The following KIAA1217 variants were observed in gnomAD, a reference collection of about 807,000 sequenced individuals.
KIAA1217 encodes the protein KIAA1217, also known as sickle tail protein homolog.
KIAA1217 carries 88 observed loss-of-function variants against 163.9 expected under a neutral mutation model. The observed-to-expected ratio is 0.54, with a 90% CI of 0.45 to 0.64. The LOEUF is 0.64. Ranked by LOEUF, KIAA1217 falls within the 30% of genes least tolerant of loss-of-function variation. The pLI is 0.00. For synonymous variants in KIAA1217, 903 were observed against 923.1 expected, an observed-to-expected ratio of 0.98 and a Z score of 0.39; for missense variants, 2,372 against 2,475.0, an observed-to-expected ratio of 0.96 and a Z score of 0.88.
At chr10:24,011,038 T>C (rs990175095) in intron 2 of KIAA1217, among the ~76,000 whole-genome samples, 5 of 152,148 alleles carry the variant, frequency 3.3e-5, no homozygotes, top group Non-Finnish European at 7.4e-5. Context: ...CAGTCTGCAG[T>C]TGAGACATGA....
At chr10:24,514,638 G>C (rs1289734148) in intron 10 of KIAA1217, among the ~76,000 whole-genome samples, 3 of 152,082 alleles carry the variant, frequency 2.0e-5, no homozygotes, top group Non-Finnish European at 4.4e-5. Flanking sequence ...AAATGTCTTT[G>C]TGACAGCCCA....
intron 1 of KIAA1217, among the ~76,000 whole-genome samples, chr10:23,781,651 A>G (rs1156726936): frequency 6.6e-6 from 1 of 152,204 alleles, no homozygotes; most frequent in Non-Finnish European, 1.5e-5. Flanking sequence ...TACTGAGGCC[A>G]ACGTTAAGGA....
intron 1 of KIAA1217, among the ~76,000 whole-genome samples, chr10:23,836,186 T>C (rs1276864881): frequency 6.6e-6 from 1 of 152,220 alleles, no homozygotes; most frequent in East Asian, 1.9e-4. Flanking sequence ...TGTTTTTAAA[T>C]GTATATTTTT....
At position 23,911,652 on chromosome 10, in the gene KIAA1217, A is replaced by G. The variant is rs542692414; in HGVS notation, c.-320-95573A>G. 2.0e-5 allele frequency among the ~76,000 whole-genome samples: 3 copies of G among 152,302 alleles called. No individual in the cohort carries two copies. In the South Asian group the frequency reaches 6.2e-4, roughly 32 times the overall value. On this transcript the variant is annotated intron_variant, in intron 1 of 18. Transcript: ENST00000376462. ...TATTTATTATATATGTATTTGGCAA[A>G]ACTGGACTGGCATCACCCAGTGGTT...
At chr10:24,140,575 G>A (rs982935932) in intron 2 of KIAA1217, among the ~76,000 whole-genome samples, 47 of 152,104 alleles carry the variant, frequency 3.1e-4, no homozygotes, top group African/African-American at 1.0e-3. Context: ...ACAAAGGGAT[G>A]ATTCTTGTCC....
At chr10:23,885,544 C>A (rs906070441) in intron 1 of KIAA1217, among the ~76,000 whole-genome samples, 1 of 151,966 alleles carries the variant, frequency 6.6e-6, no homozygotes, top group Non-Finnish European at 1.5e-5. Flanking sequence ...ATGACAAATG[C>A]TCTTCTCTCT....
At chr10:24,036,885 A>G (rs1490019595) in intron 2 of KIAA1217, among the ~76,000 whole-genome samples, 1 of 152,240 alleles carries the variant, frequency 6.6e-6, no homozygotes, top group Non-Finnish European at 1.5e-5. Flanking sequence ...AAACTAAATC[A>G]ACAGGGTAAG....
At chr10:23,765,917 G>A (rs11812317) in intron 1 of KIAA1217, among the ~76,000 whole-genome samples, 5,059 of 152,250 alleles carry the variant, frequency 0.033, 121 homozygotes, top group South Asian at 0.069. Context: ...GCATTAACTT[G>A]CTATACTGCC....
chr10:24,334,967 C>G (rs2046159687), intron 2 of KIAA1217, among the ~76,000 whole-genome samples: 1 of 152,140 alleles, frequency 6.6e-6, no homozygotes, highest in Non-Finnish European at 1.5e-5. Flanking sequence ...GGAATCCACA[C>G]AAAAACTCAT....
intron 2 of KIAA1217, chr10:24,239,338 G>C (rs1319631974): frequency 1.0e-6 from 1 of 979,904 alleles, no homozygotes; most frequent in Non-Finnish European, 1.2e-6. Flanking sequence ...CTGGGTACAG[G>C]TAAATATGCG....
chr10:24,059,844 C>G (rs1326190664), intron 2 of KIAA1217, among the ~76,000 whole-genome samples: 1 of 152,188 alleles, frequency 6.6e-6, no homozygotes, highest in South Asian at 2.1e-4. Context: ...GGATTACAGG[C>G]GTGAGCCACT....
intron 2 of KIAA1217, among the ~76,000 whole-genome samples, chr10:24,315,553 CG>C (rs2043240279): frequency 6.6e-6 from 1 of 152,110 alleles, no homozygotes; most frequent in South Asian, 2.1e-4. Flanking sequence ...CCGGACCTCC[CG>C]TTGCTAGGTT....
intron 2 of KIAA1217, among the ~76,000 whole-genome samples, chr10:24,102,915 G>A (rs138712771): frequency 9.1e-4 from 139 of 152,232 alleles, no homozygotes; most frequent in African/African-American, 3.2e-3. Flanking sequence ...GGTTTTTCCC[G>A]TACTGTGCTC....
intron 2 of KIAA1217, among the ~76,000 whole-genome samples, chr10:24,375,490 A>G (rs1466396943): frequency 6.6e-6 from 1 of 152,212 alleles, no homozygotes; most frequent in African/African-American, 2.4e-5. Flanking sequence ...TTTATTTGTT[A>G]ATTTAATATT....
intron 5 of KIAA1217, among the ~76,000 whole-genome samples, chr10:24,463,899 C>T (rs1196661103): frequency 6.6e-6 from 1 of 152,096 alleles, no homozygotes; most frequent in African/African-American, 2.4e-5. Flanking sequence ...GGAAGAGGAA[C>T]GTAGTAATGG....
At chr10:24,358,357 G>A (rs2049403495) in intron 2 of KIAA1217, among the ~76,000 whole-genome samples, 2 of 152,046 alleles carry the variant, frequency 1.3e-5, no homozygotes, top group Non-Finnish European at 2.9e-5. Flanking sequence ...AGACGACCTG[G>A]GTCAACTCTT....
intron 9 of KIAA1217, among the ~76,000 whole-genome samples, chr10:24,508,758 TCAGAAAAA>T (rs1289663657): frequency 6.6e-6 from 1 of 152,184 alleles, no homozygotes; most frequent in Non-Finnish European, 1.5e-5. Context: ...GGGCTGGATC[TCAGAAAAA>T]CATATTCTGA....
chr10:24,177,314 A>G (rs1309618062), intron 2 of KIAA1217, among the ~76,000 whole-genome samples: 1 of 110,822 alleles, frequency 9.0e-6, no homozygotes, highest in African/African-American at 3.6e-5. Context: ...TTTCTTTGTC[A>G]TATATATCAC....
At chr10:24,300,906 G>A (rs529345251) in intron 2 of KIAA1217, among the ~76,000 whole-genome samples, 1 of 152,084 alleles carries the variant, frequency 6.6e-6, no homozygotes, top group Non-Finnish European at 1.5e-5. Context: ...TCTGCCTTCC[G>A]GGTTCAAGCA....
Sources: gnomAD v4.1 joint callset for allele counts (sites outside exome capture counted in the v4.1 genomes callset) on GRCh38, gnomAD v4.1.1 for gene constraint, MANE v1.5 for transcripts, NCBI Gene and HGNC (gene_info 2026-07-23, HGNC 2026-07-21) for gene names.